CMSS1: variants seen among roughly 807,000 people sequenced by gnomAD.
CMSS1 encodes the protein cms1 ribosomal small subunit homolog.
In CMSS1, 33 loss-of-function variants were observed where a neutral mutation model predicts 43.5. That is an observed-to-expected ratio of 0.76 (90% CI 0.57 to 1.01). CMSS1 has a LOEUF of 1.01. Ranked by LOEUF, CMSS1 falls within the 50% of genes least tolerant of loss-of-function variation. The pLI is 0.00. For missense variants in CMSS1, 313 were observed against 326.4 expected (o/e 0.96, Z 0.32); for synonymous variants, 115 against 117.2 (o/e 0.98, Z 0.12).
chr3:99,864,988 C>T (rs1396791938), intron 1 of CMSS1, among the ~76,000 whole-genome samples: 1 of 152,112 alleles, frequency 6.6e-6, no homozygotes. Context: ...TGGTAGGGAA[C>T]AGTACCTGGT....
At chr3:99,980,000 T>C (rs555774635) in intron 1 of CMSS1, among the ~76,000 whole-genome samples, 2 of 151,922 alleles carry the variant, frequency 1.3e-5, no homozygotes, top group East Asian at 4.1e-4. Context: ...CTTTAAAAGA[T>C]GGACAGAAAT....
chr3:100,112,738 A>G (rs2066511857), intron 1 of CMSS1, among the ~76,000 whole-genome samples: 1 of 152,214 alleles, frequency 6.6e-6, no homozygotes, highest in Non-Finnish European at 1.5e-5. Context: ...AGTAGACCTT[A>G]ATTACCCAGG....
At chr3:99,872,699 G>C (rs999297109) in intron 1 of CMSS1, among the ~76,000 whole-genome samples, 1 of 152,154 alleles carries the variant, frequency 6.6e-6, no homozygotes, top group African/African-American at 2.4e-5. Flanking sequence ...AAAGAATACT[G>C]CTAATGTGTT....
At chr3:100,142,845 G>A (rs562530125) in intron 1 of CMSS1, among the ~76,000 whole-genome samples, 2 of 152,308 alleles carry the variant, frequency 1.3e-5, no homozygotes, top group South Asian at 2.1e-4. Flanking sequence ...CAATAGGTAT[G>A]GGGAGTCCTT....
At chr3:100,075,809 C>T (rs1331471753) in intron 1 of CMSS1, among the ~76,000 whole-genome samples, 1 of 152,164 alleles carries the variant, frequency 6.6e-6, no homozygotes, top group Admixed American at 6.5e-5. Flanking sequence ...TGACCTGGGG[C>T]AATTTATCTC....
Position 100,162,410 on chromosome 3 carries a change from A to G in CMSS1, c.333A>G (p.Glu111=), listed in dbSNP as rs747142098. 5.0e-6 allele frequency: 8 copies of G among 1,612,930 alleles called. No individual in the cohort carries two copies. The highest frequency in any genetic ancestry group is 2.2e-5 in the East Asian group (1 of 44,848). Residue 111 remains glutamate (E), a synonymous_variant, in exon 4 of 10, where the codon GAA becomes GAG. Transcript: ENST00000421999. ...ATAGCAGCAGACGCTTGGTGATTGAATTAGAAGAACTGAACCTGCCAGGTA... is the reference window on the plus strand; with the variant it reads ...ATAGCAGCAGACGCTTGGTGATTGAGTTAGAAGAACTGAACCTGCCAGGTA... The part of the protein sequence containing the change: ...DYYSSRRLVI[E]LEELNLPDSC...
chr3:100,071,164 A>C (rs562504292), intron 1 of CMSS1, among the ~76,000 whole-genome samples: 5 of 114,970 alleles, frequency 4.3e-5, no homozygotes, highest in African/African-American at 1.7e-4. Flanking sequence ...ATTACCCCCT[A>C]TTTCAGACAT....
rs1480222620 is a variant in CMSS1 at position 99,843,660 on chromosome 3, CAG to C, written c.64+25621_64+25622del. Reference sequence around the variant, plus strand: ...TTGCCTAGCCCACCTTAAACATGCTCAGAGAACACTTACATAAATCTACAATT... The same window carrying C: ...TTGCCTAGCCCACCTTAAACATGCTCAGAACACTTACATAAATCTACAATT... On this transcript the variant is annotated intron_variant, in intron 1 of 9. Coordinates refer to ENST00000421999, the MANE Select transcript of CMSS1 (RefSeq NM_032359.4). Among the ~76,000 whole-genome samples, 5 of 152,138 alleles carry C rather than the reference CAG, an allele frequency of 3.3e-5. 1 individual carries two copies. In the South Asian group the frequency reaches 8.3e-4, roughly 25 times the overall value.
chr3:99,829,351 C>G (rs1370267494), intron 1 of CMSS1, among the ~76,000 whole-genome samples: 1 of 152,240 alleles, frequency 6.6e-6, no homozygotes, highest in African/African-American at 2.4e-5. Context: ...GCACACCTTT[C>G]TCTCAATTCA....
chr3:100,158,406 T>C (rs1044524540), intron 2 of CMSS1, among the ~76,000 whole-genome samples: 1 of 152,210 alleles, frequency 6.6e-6, no homozygotes, highest in Non-Finnish European at 1.5e-5. Context: ...CTTAGTGGCT[T>C]GGCCGGATTC....
chr3:100,050,671 C>G (rs2107316824), intron 1 of CMSS1, among the ~76,000 whole-genome samples: 1 of 152,258 alleles, frequency 6.6e-6, no homozygotes, highest in East Asian at 1.9e-4. Flanking sequence ...GCTGGGATTA[C>G]AGGTGTGCGC....
At chr3:100,177,509 G>C (rs1412616467) in intron 9 of CMSS1, among the ~76,000 whole-genome samples, 2 of 152,172 alleles carry the variant, frequency 1.3e-5, no homozygotes, top group African/African-American at 4.8e-5. Flanking sequence ...ATTCTCAGCA[G>C]TTATCCTAAG....
intron 1 of CMSS1, among the ~76,000 whole-genome samples, chr3:99,883,681 C>G (rs1195411027): frequency 1.3e-5 from 2 of 152,168 alleles, no homozygotes; most frequent in East Asian, 3.8e-4. Flanking sequence ...AGGATAATCA[C>G]TTCTATACTG....
At chr3:100,096,435 GATA>G (rs2066209624) in intron 1 of CMSS1, among the ~76,000 whole-genome samples, 1 of 152,164 alleles carries the variant, frequency 6.6e-6, no homozygotes, top group Non-Finnish European at 1.5e-5. Context: ...AGCCATAAAA[GATA>G]ATGAGATCCT....
At chr3:99,886,969 CAAA>C (rs544548363) in intron 1 of CMSS1, among the ~76,000 whole-genome samples, 5 of 89,840 alleles carry the variant, frequency 5.6e-5, no homozygotes, top group Admixed American at 1.3e-4. Context: ...GACTCCATCT[CAAA>C]AAAAAAAAAA....
intron 1 of CMSS1, among the ~76,000 whole-genome samples, chr3:100,102,338 T>C (rs1022359662): frequency 6.6e-6 from 1 of 152,158 alleles, no homozygotes; most frequent in Admixed American, 6.5e-5. Flanking sequence ...TGGTATCTCA[T>C]TGTGGTTTTG....
chr3:99,898,400 C>T (rs1706328035), intron 1 of CMSS1: 1 of 152,114 alleles, frequency 6.6e-6, no homozygotes, highest in Non-Finnish European at 1.5e-5. Context: ...GAAAGATCAG[C>T]TAAATAAAAA....
intron 1 of CMSS1, among the ~76,000 whole-genome samples, chr3:99,959,480 C>CTATATAAATATTTAA (rs1708431400): frequency 1.3e-5 from 2 of 152,038 alleles, no homozygotes; most frequent in African/African-American, 4.8e-5. Flanking sequence ...ATTTTATTTT[C>CTATATAAATATTTAA]TATATAAATA....
chr3:100,074,798 A>T lies in CMSS1; in HGVS notation c.65-72175A>T, dbSNP rs1013462931. Among the ~76,000 whole-genome samples, 3 of 142,446 alleles carry T rather than the reference A, an allele frequency of 2.1e-5. No individual in the cohort carries two copies. In the Admixed American group the frequency reaches 2.3e-4, roughly 11 times the overall value. 93.5% of individuals were successfully genotyped at this position (142,446 alleles called of 152,430 possible). A position where few individuals can be genotyped will look rare whatever the true frequency, so the allele number is the denominator to read the frequency against. ...AACCTCTGCCTACTGGGTTCAAGCG[A>T]TTCTCTTACCTCAGCTTCCAGAGTA... On this transcript the variant is annotated intron_variant, in intron 1 of 9. Coordinates refer to ENST00000421999, the MANE Select transcript of CMSS1 (RefSeq NM_032359.4).
Sources: allele counts gnomAD v4.1 joint callset (sites outside exome capture counted in the v4.1 genomes callset), GRCh38; gene constraint gnomAD v4.1.1; transcripts MANE v1.5; gene names NCBI Gene and HGNC (gene_info 2026-07-23, HGNC 2026-07-21).